CADPS2: variants seen among roughly 807,000 people sequenced by gnomAD.
CADPS2 encodes the protein calcium dependent secretion activator 2.
CADPS2 carries 93 observed loss-of-function variants against 172.5 expected under a neutral mutation model. The ratio of observed to expected loss-of-function variants is 0.54; its 90% confidence interval spans 0.46 to 0.64. The LOEUF (loss-of-function observed/expected upper bound fraction) is 0.64, where lower values mean the gene tolerates loss of function less well. CADPS2 is among the 30% of genes least tolerant of loss of function. CADPS2 has a pLI of 0.00. For synonymous variants in CADPS2, 546 were observed against 555.2 expected, an observed-to-expected ratio of 0.98 and a Z score of 0.23; for missense variants, 1,420 against 1,565.9, an observed-to-expected ratio of 0.91 and a Z score of 1.57.
intron 1 of CADPS2, among the ~76,000 whole-genome samples, chr7:122,764,500 T>C (rs2093487085): frequency 6.6e-6 from 1 of 152,266 alleles, no homozygotes; most frequent in South Asian, 2.1e-4. Context: ...TCTATCTTTG[T>C]GGAGCTTACG....
intron 1 of CADPS2, among the ~76,000 whole-genome samples, chr7:122,870,653 AAG>A (rs1819524863): frequency 6.6e-6 from 1 of 152,086 alleles, no homozygotes; most frequent in Admixed American, 6.6e-5. Context: ...AAAAGAAGAT[AAG>A]TTGGTGAGGT....
intron 2 of CADPS2, among the ~76,000 whole-genome samples, chr7:122,673,648 T>C (rs987620646): frequency 1.1e-4 from 16 of 151,518 alleles, no homozygotes; most frequent in Non-Finnish European, 5.9e-5. Flanking sequence ...CAGCCATGAA[T>C]CCCGAGCTAG....
intron 25 of CADPS2, among the ~76,000 whole-genome samples, chr7:122,367,295 C>T (rs540617024): frequency 8.6e-5 from 13 of 150,494 alleles, no homozygotes; most frequent in East Asian, 1.9e-4. Flanking sequence ...AGAGAGAAAG[C>T]GAGAGAGAGA....
intron 8 of CADPS2, among the ~76,000 whole-genome samples, chr7:122,541,832 CATATGTTTATATATTCAT>C (rs1314819308): frequency 1.7e-4 from 16 of 91,524 alleles, no homozygotes; most frequent in Non-Finnish European, 4.0e-4. Flanking sequence ...TTTATATATT[CATATGTTTATATATTCAT>C]ATATATTTAT....
chr7:122,817,009 T>C (rs1801643269), intron 1 of CADPS2, among the ~76,000 whole-genome samples: 1 of 144,708 alleles, frequency 6.9e-6, no homozygotes, highest in Admixed American at 6.8e-5. Flanking sequence ...GAACCCCCCT[T>C]TGACTGTAAT....
At chr7:122,712,468 T>G (rs990997996) in intron 2 of CADPS2, among the ~76,000 whole-genome samples, 3 of 152,166 alleles carry the variant, frequency 2.0e-5, no homozygotes, top group African/African-American at 7.2e-5. Context: ...TAATAGTAAG[T>G]GCACACAATT....
At chr7:122,526,804 C>A (rs1476707203) in intron 8 of CADPS2, among the ~76,000 whole-genome samples, 1 of 152,134 alleles carries the variant, frequency 6.6e-6, no homozygotes. Context: ...TCCACAAAGT[C>A]ATGGCCAGCA....
intron 2 of CADPS2, among the ~76,000 whole-genome samples, chr7:122,686,878 T>A (rs2083703284): frequency 6.6e-6 from 1 of 151,992 alleles, no homozygotes; most frequent in South Asian, 2.1e-4. Context: ...AGAGACGGGG[T>A]TTTACCATGT....
At chr7:122,470,633 T>C (rs1389221659) in intron 14 of CADPS2, among the ~76,000 whole-genome samples, 1 of 152,072 alleles carries the variant, frequency 6.6e-6, no homozygotes, top group East Asian at 1.9e-4. Flanking sequence ...TAGCTGGGAT[T>C]ACAGACATGC....
At chr7:122,725,273 A>T (rs941178313) in intron 2 of CADPS2, among the ~76,000 whole-genome samples, 27 of 152,090 alleles carry the variant, frequency 1.8e-4, no homozygotes, top group African/African-American at 6.3e-4. Context: ...CCTGAATTCT[A>T]TCCAGATTAA....
At chr7:122,657,526 T>C (rs1447384016) in intron 3 of CADPS2, among the ~76,000 whole-genome samples, 2 of 152,182 alleles carry the variant, frequency 1.3e-5, no homozygotes, top group African/African-American at 4.8e-5. Flanking sequence ...GTCCTTCACA[T>C]CCCTTGTAAG....
chr7:122,649,079 C>T (rs1445087156), intron 3 of CADPS2, among the ~76,000 whole-genome samples: 1 of 151,662 alleles, frequency 6.6e-6, no homozygotes, highest in Non-Finnish European at 1.5e-5. Context: ...GTGTTCTCTA[C>T]CACAAGGTAA....
intron 2 of CADPS2, among the ~76,000 whole-genome samples, chr7:122,704,250 GCT>G: frequency 6.6e-6 from 1 of 151,354 alleles, no homozygotes; most frequent in Non-Finnish European, 1.5e-5. Flanking sequence ...GTTAATATTT[GCT>G]TTTTTAAAAA....
At chr7:122,668,042 C>G (rs7794897) in intron 2 of CADPS2, among the ~76,000 whole-genome samples, 25,067 of 151,888 alleles carry the variant, frequency 0.17, 2,146 homozygotes, top group Admixed American at 0.23. Context: ...GGTGGCAGCA[C>G]CAAGGGTAGA....
chr7:122,718,453 A>T (rs1025578002), intron 2 of CADPS2, among the ~76,000 whole-genome samples: 2 of 152,038 alleles, frequency 1.3e-5, no homozygotes, highest in South Asian at 4.1e-4. Flanking sequence ...AGCCTATAGG[A>T]TATTGCCAGT....
intron 12 of CADPS2, among the ~76,000 whole-genome samples, chr7:122,477,920 C>T (rs1384231101): frequency 6.6e-6 from 1 of 152,098 alleles, no homozygotes; most frequent in Non-Finnish European, 1.5e-5. Flanking sequence ...TCCTTTGACC[C>T]ACATCTCCCC....
intron 28 of CADPS2, among the ~76,000 whole-genome samples, chr7:122,339,661 C>G (rs1326873683): frequency 6.6e-6 from 1 of 152,118 alleles, no homozygotes; most frequent in Admixed American, 6.6e-5. Context: ...TGGAGGCAGA[C>G]AGATCTTCTG....
At chr7:122,396,502 T>G (rs544452252) in intron 20 of CADPS2, among the ~76,000 whole-genome samples, 18 of 152,296 alleles carry the variant, frequency 1.2e-4, no homozygotes, top group Non-Finnish European at 1.6e-4. Context: ...TCCTAAAGAT[T>G]ATAATCCTTT....
rs115852854 is a variant in CADPS2, at chr7:122,340,792, T to C, written c.3612+4782A>G. Among the ~76,000 whole-genome samples, 429 of 151,454 alleles carry C rather than the reference T, an allele frequency of 2.8e-3. 2 individuals are homozygous for C. The highest frequency in any genetic ancestry group is 9.9e-3 in the African/African-American group (408 of 41,244). The stretch of plus-strand genomic sequence containing the variant: ...TCATACTTTTTATATTGGGATCAGG[T>C]TGAAGATGGTTTTGATTTGATAAAA... On this transcript the variant is annotated intron_variant, in intron 28 of 29. Transcript: ENST00000449022.
Sources: gnomAD v4.1 joint callset for allele counts (sites outside exome capture counted in the v4.1 genomes callset) on GRCh38, gnomAD v4.1.1 for gene constraint, MANE v1.5 for transcripts, NCBI Gene and HGNC (gene_info 2026-07-23, HGNC 2026-07-21) for gene names.